AGBL1: variants seen among roughly 807,000 people sequenced by gnomAD.
AGBL1 encodes AGBL carboxypeptidase 1.
In AGBL1, 130 loss-of-function variants were observed where a neutral mutation model predicts 118.9. The ratio of observed to expected loss-of-function variants is 1.09; its 90% confidence interval spans 0.95 to 1.26. The LOEUF (loss-of-function observed/expected upper bound fraction) is 1.26, where lower values mean the gene tolerates loss of function less well. Among genes scored for constraint, AGBL1 ranks in the 50% most tolerant of loss-of-function variants. The probability of loss-of-function intolerance (pLI) is 0.00; values close to 1 mark genes in which losing one functional copy is unlikely to be tolerated. For synonymous variants in AGBL1, 555 were observed against 478.9 expected, an observed-to-expected ratio of 1.16 and a Z score of -2.08; for missense variants, 1,584 against 1,298.1, an observed-to-expected ratio of 1.22 and a Z score of -3.38.
At chr15:86,820,100 T>G (rs1000741296) in intron 22 of AGBL1, among the ~76,000 whole-genome samples, 1 of 152,190 alleles carries the variant, frequency 6.6e-6, no homozygotes, top group Non-Finnish European at 1.5e-5. Flanking sequence ...TGCAGAAAAC[T>G]GAAACTGAAC....
At chr15:86,322,934 C>G (rs535386442) in intron 17 of AGBL1, among the ~76,000 whole-genome samples, 6 of 152,124 alleles carry the variant, frequency 3.9e-5, no homozygotes, top group African/African-American at 1.2e-4. Flanking sequence ...TTTTTGAGTA[C>G]CAGCTTTTTG....
At chr15:86,789,842 T>C (rs1484630422) in intron 22 of AGBL1, among the ~76,000 whole-genome samples, 3 of 152,160 alleles carry the variant, frequency 2.0e-5, no homozygotes, top group African/African-American at 2.4e-5. Flanking sequence ...GTAAGTCTTA[T>C]CAAATTTATC....
Position 86,929,050 on chromosome 15 carries a change from C to T in AGBL1, c.3222-58937C>T, listed in dbSNP as rs528412051. 7.9e-5 allele frequency among the ~76,000 whole-genome samples: 12 copies of T among 152,168 alleles called. No homozygotes were observed. In the East Asian group the frequency reaches 2.1e-3, roughly 27 times the overall value. ...ACTCCCTGTCTCTCTGAGACAGAGTCTTGGTTCTGTCGACAGGCTGGAGTG... is the reference window on the plus strand; with the variant it reads ...ACTCCCTGTCTCTCTGAGACAGAGTTTTGGTTCTGTCGACAGGCTGGAGTG... On this transcript the variant is annotated intron_variant, in intron 23 of 24. Transcript: ENST00000441037.
intron 17 of AGBL1, among the ~76,000 whole-genome samples, chr15:86,341,096 T>C (rs536496856): frequency 1.1e-4 from 16 of 152,330 alleles, no homozygotes; most frequent in African/African-American, 3.8e-4. Flanking sequence ...GGTCTCCCCC[T>C]GACACTGCAG....
intron 23 of AGBL1, among the ~76,000 whole-genome samples, chr15:86,983,391 T>C (rs933585654): frequency 6.6e-6 from 1 of 152,214 alleles, no homozygotes. Flanking sequence ...ATGATGAGTA[T>C]ATAAGGCTTG....
At chr15:86,780,683 A>G (rs1339696504) in intron 22 of AGBL1, among the ~76,000 whole-genome samples, 5 of 147,208 alleles carry the variant, frequency 3.4e-5, no homozygotes, top group African/African-American at 9.9e-5. Context: ...TTTTGGTGAG[A>G]CAGAGTCTCG....
At chr15:86,616,426 C>T (rs893847824) in intron 21 of AGBL1, among the ~76,000 whole-genome samples, 1 of 151,062 alleles carries the variant, frequency 6.6e-6, no homozygotes, top group African/African-American at 2.4e-5. Flanking sequence ...TATGATGTTA[C>T]TATAGAGGTT....
At chr15:86,414,138 A>ATAG (rs2081657899) in intron 18 of AGBL1, among the ~76,000 whole-genome samples, 1 of 152,180 alleles carries the variant, frequency 6.6e-6, no homozygotes, top group Admixed American at 6.5e-5. Flanking sequence ...ACACATGAAC[A>ATAG]TAGAGTATGG....
chr15:86,767,668 A>T (rs1251792981), intron 22 of AGBL1, among the ~76,000 whole-genome samples: 1 of 151,894 alleles, frequency 6.6e-6, no homozygotes, highest in East Asian at 1.9e-4. Flanking sequence ...TTCCTATCTT[A>T]TAGTAGAGAA....
At chr15:86,687,655 C>T (rs114874628) in intron 22 of AGBL1, among the ~76,000 whole-genome samples, 5,385 of 152,208 alleles carry the variant, frequency 0.035, 121 homozygotes, top group Middle Eastern at 0.092. Context: ...AAGAGTAAAG[C>T]ATAGGCTAAG....
chr15:87,030,162 T>G (rs1489325689), downstream of AGBL1, among the ~76,000 whole-genome samples: 1 of 151,986 alleles, frequency 6.6e-6, no homozygotes, highest in Non-Finnish European at 1.5e-5. Flanking sequence ...ATTACCACTA[T>G]TACTTTATGT....
chr15:86,674,249 G>A (rs780004564), intron 21 of AGBL1, 24 bp from the exon 22 acceptor site: 1 of 1,596,384 alleles, frequency 6.3e-7, no homozygotes, highest in Non-Finnish European at 8.6e-7. Flanking sequence ...CGTTGCCACA[G>A]TTAATGCTTT....
At chr15:86,594,604 T>C (rs193136193) in intron 21 of AGBL1, among the ~76,000 whole-genome samples, 214 of 152,316 alleles carry the variant, frequency 1.4e-3, no homozygotes, top group African/African-American at 4.9e-3. Flanking sequence ...TAAATATCTT[T>C]GTTTTGTTCT....
intron 1 of AGBL1, among the ~76,000 whole-genome samples, chr15:86,116,314 T>G (rs1392654577): frequency 6.6e-6 from 1 of 152,218 alleles, no homozygotes; most frequent in Non-Finnish European, 1.5e-5. Flanking sequence ...TGAATCTTAG[T>G]TCTCTCTAGT....
chr15:86,794,627 C>G (rs1401834909), intron 22 of AGBL1, among the ~76,000 whole-genome samples: 3 of 151,830 alleles, frequency 2.0e-5, no homozygotes, highest in East Asian at 1.9e-4. Context: ...GTGAATTTTA[C>G]TTTGATGAAA....
chr15:86,240,485 G>A (rs1456143453), intron 6 of AGBL1, among the ~76,000 whole-genome samples: 1 of 152,202 alleles, frequency 6.6e-6, no homozygotes, highest in South Asian at 2.1e-4. Flanking sequence ...ATTCTCAGGT[G>A]GAAAATTGCA....
chr15:86,768,985 C>T (rs762484601), intron 22 of AGBL1, among the ~76,000 whole-genome samples: 4 of 151,894 alleles, frequency 2.6e-5, no homozygotes, highest in African/African-American at 4.8e-5. Flanking sequence ...ATAACATAGA[C>T]CCCTGGGTTA....
chr15:86,768,002 G>A (rs910097802), intron 22 of AGBL1, among the ~76,000 whole-genome samples: 1 of 151,910 alleles, frequency 6.6e-6, no homozygotes, highest in South Asian at 2.1e-4. Context: ...ATGAAAAAAG[G>A]GCCTTCTTAG....
chr15:86,143,990 A>C, intron 3 of AGBL1, 145 bp downstream of exon 3: 1 of 1,049,696 alleles, frequency 9.5e-7, no homozygotes, highest in Non-Finnish European at 1.3e-6. Context: ...TGGCAGGACC[A>C]GCCCCATAGG....
Sources: allele counts gnomAD v4.1 joint callset (sites outside exome capture counted in the v4.1 genomes callset), GRCh38; gene constraint gnomAD v4.1.1; transcripts MANE v1.5; gene names NCBI Gene and HGNC (gene_info 2026-07-23, HGNC 2026-07-21).